HOMER2: variants seen among roughly 807,000 people sequenced by gnomAD.
HOMER2 encodes homer protein homolog 2.
In HOMER2, 27 loss-of-function variants were observed where a neutral mutation model predicts 47.0. The ratio of observed to expected loss-of-function variants is 0.57; its 90% CI spans 0.42 to 0.79. The LOEUF (loss-of-function observed/expected upper bound fraction) is 0.79, where lower values mean the gene tolerates loss of function less well. Ranked by LOEUF, HOMER2 falls within the 30% of genes least tolerant of loss-of-function variation. The probability of loss-of-function intolerance (pLI) is 0.00; values close to 1 mark genes in which losing one functional copy is unlikely to be tolerated. For synonymous variants in HOMER2, 161 were observed against 163.8 expected (o/e 0.98, Z 0.13); for missense variants, 443 against 435.0 (o/e 1.02, Z -0.16).
intron 1 of HOMER2, among the ~76,000 whole-genome samples, chr15:82,938,141 G>A (rs561670650): frequency 2.6e-5 from 4 of 152,148 alleles, no homozygotes; most frequent in Non-Finnish European, 4.4e-5. Flanking sequence ...GGAGGCTGAG[G>A]TGGGTGGATC....
chr15:82,966,742 C>T (rs553955978), intron 1 of HOMER2, among the ~76,000 whole-genome samples: 1 of 152,342 alleles, frequency 6.6e-6, no homozygotes, highest in East Asian at 1.9e-4. Flanking sequence ...TACTGCCACA[C>T]AGCATTGTGG....
chr15:82,908,155 T>C (rs1267554010), intron 1 of HOMER2, among the ~76,000 whole-genome samples: 1 of 151,298 alleles, frequency 6.6e-6, no homozygotes, highest in East Asian at 1.9e-4. Flanking sequence ...TCAGGGGGAA[T>C]GAAAATGTTC....
chr15:82,896,895 G>A (rs764663305), intron 1 of HOMER2, among the ~76,000 whole-genome samples: 34 of 152,224 alleles, frequency 2.2e-4, no homozygotes, highest in Non-Finnish European at 3.8e-4. Flanking sequence ...AAAGCTCGTA[G>A]CTGACCTTTA....
intron 1 of HOMER2, among the ~76,000 whole-genome samples, chr15:82,915,549 A>G (rs187252302): frequency 2.6e-5 from 4 of 152,026 alleles, no homozygotes; most frequent in African/African-American, 9.6e-5. Flanking sequence ...CAAACAAACA[A>G]ACAAACAAAC....
At chr15:82,864,396 A>C in intron 3 of HOMER2, 137 bp from the exon 4 acceptor site, 1 of 579,048 alleles carries the variant, frequency 1.7e-6, no homozygotes, top group South Asian at 2.3e-5. Flanking sequence ...ATTTGCTATT[A>C]AATGAATATA....
chr15:82,854,574 T>A (rs2151608153), intron 6 of HOMER2, 70 bp downstream of exon 6: 1 of 1,484,740 alleles, frequency 6.7e-7, no homozygotes, highest in Non-Finnish European at 9.1e-7. Context: ...AGAAAAAGGG[T>A]TGTGGGTGCC....
At chr15:82,983,094 A>T (rs1388351942) in intron 1 of HOMER2, among the ~76,000 whole-genome samples, 1 of 152,212 alleles carries the variant, frequency 6.6e-6, no homozygotes. Flanking sequence ...TACCTTAAAC[A>T]TGCTCAGAAC....
intron 1 of HOMER2, among the ~76,000 whole-genome samples, chr15:82,932,372 G>A (rs2054033661): frequency 6.6e-6 from 1 of 152,122 alleles, no homozygotes; most frequent in South Asian, 2.1e-4. Flanking sequence ...GTGCGCACCT[G>A]TAGTCCCAGC....
At chr15:82,870,496 T>C (rs918734107) in intron 3 of HOMER2, among the ~76,000 whole-genome samples, 24 of 152,122 alleles carry the variant, frequency 1.6e-4, no homozygotes, top group East Asian at 9.6e-4. Flanking sequence ...TCCATGCAGA[T>C]TGTCAGACCC....
chr15:82,960,600 AAAAC>A (rs1683879312), intron 1 of HOMER2, among the ~76,000 whole-genome samples: 1 of 152,256 alleles, frequency 6.6e-6, no homozygotes. Context: ...AGAGCAAACA[AAAAC>A]AAACAAAAAG....
At chr15:82,859,318 C>CTT (rs1567017745) in intron 4 of HOMER2, 183 bp from the exon 5 acceptor site, 8 of 693,530 alleles carry the variant, frequency 1.2e-5, no homozygotes, top group African/African-American at 3.6e-5. Context: ...TTTTTTTAAA[C>CTT]AAACAAACAA....
exon 2 of HOMER2, chr15:82,839,109 C>G (rs953882664): frequency 2.6e-5 from 4 of 151,882 alleles, no homozygotes; most frequent in Non-Finnish European, 5.9e-5. Context: ...AAAAAAAAAC[C>G]AAAATCTTAT....
At chr15:82,922,535 G>C (rs1596356948) in intron 1 of HOMER2, among the ~76,000 whole-genome samples, 2 of 152,206 alleles carry the variant, frequency 1.3e-5, no homozygotes, top group Non-Finnish European at 2.9e-5. Flanking sequence ...AGCGGCACTA[G>C]GTATATGCTG....
At chr15:82,871,150 TCTA>T (rs754566482) in intron 3 of HOMER2, among the ~76,000 whole-genome samples, 7 of 152,244 alleles carry the variant, frequency 4.6e-5, no homozygotes, top group Non-Finnish European at 1.0e-4. Flanking sequence ...AAACACAGCT[TCTA>T]CTATTTTTGG....
At chr15:82,967,300 A>C (rs2054683044) in intron 1 of HOMER2, among the ~76,000 whole-genome samples, 3 of 152,138 alleles carry the variant, frequency 2.0e-5, no homozygotes, top group Non-Finnish European at 4.4e-5. Flanking sequence ...GAGATGTTCA[A>C]ATCTGTGAAA....
At chr15:82,975,765 A>G (rs752075332) in intron 1 of HOMER2, among the ~76,000 whole-genome samples, 1 of 152,232 alleles carries the variant, frequency 6.6e-6, no homozygotes, top group Non-Finnish European at 1.5e-5. Flanking sequence ...GTACAACAAA[A>G]ATAGAATGAG....
intron 1 of HOMER2, among the ~76,000 whole-genome samples, chr15:82,951,489 T>A (rs576491418): frequency 6.6e-6 from 1 of 152,340 alleles, no homozygotes; most frequent in South Asian, 2.1e-4. Context: ...TCCACTGCAC[T>A]CTTGCCTTCC....
intron 1 of HOMER2, among the ~76,000 whole-genome samples, chr15:82,961,123 C>G (rs974594503): frequency 5.3e-5 from 8 of 152,208 alleles, no homozygotes; most frequent in Non-Finnish European, 1.2e-4. Flanking sequence ...CGCAGGGTCT[C>G]CAGGAGTTTC....
chr15:82,902,385 A>T (rs1261845964), intron 1 of HOMER2, among the ~76,000 whole-genome samples: 1 of 152,030 alleles, frequency 6.6e-6, no homozygotes, highest in Non-Finnish European at 1.5e-5. Context: ...TTTAGTAGAG[A>T]CAGGGTTTCA....
Sources: allele counts gnomAD v4.1 joint callset (sites outside exome capture counted in the v4.1 genomes callset), GRCh38; gene constraint gnomAD v4.1.1; transcripts MANE v1.5; gene names NCBI Gene and HGNC (gene_info 2026-07-23, HGNC 2026-07-21).